Variants in TRPC4 observed in about 807,000 individuals in gnomAD.
TRPC4 encodes the protein transient receptor potential cation channel subfamily C member 4, also known as short transient receptor potential channel 4.
TRPC4 carries 49 observed loss-of-function variants against 99.4 expected under a neutral mutation model. That is an observed-to-expected ratio of 0.49 (90% confidence interval 0.39 to 0.63). The LOEUF (loss-of-function observed/expected upper bound fraction) is 0.63, where lower values mean the gene tolerates loss of function less well. Ranked by LOEUF, TRPC4 falls within the 20% of genes least tolerant of loss-of-function variation. The probability of loss-of-function intolerance (pLI) is 0.00; values close to 1 mark genes in which losing one functional copy is unlikely to be tolerated. For missense variants in TRPC4, 898 were observed against 1,152.9 expected (o/e 0.78, Z 3.20); for synonymous variants, 454 against 425.9 (o/e 1.07, Z -0.81).
chr13:37,823,876 T>A (rs1443957419), intron 1 of TRPC4, among the ~76,000 whole-genome samples: 1 of 150,682 alleles, frequency 6.6e-6, no homozygotes, highest in Non-Finnish European at 1.5e-5. Context: ...ATGGCCATTT[T>A]CATGATATTG....
Position 37,655,157 on chromosome 13 carries a change from A to T in TRPC4, c.1815T>A (p.Asn605Lys). ...FVGATMFGTY[N>K]VISLVVLLNM... is the part of the protein sequence containing the mutation. ...TGAGTAGAACAACCAGAGAGATGACATTGTATGTCCCAAACATGGTGGCAC... is the reference window on the plus strand; with the variant it reads ...TGAGTAGAACAACCAGAGAGATGACTTTGTATGTCCCAAACATGGTGGCAC... Residue 605 changes from asparagine (N) to lysine (K), a missense_variant, in exon 7 of 11, where the codon AAT becomes AAA. Coordinates refer to ENST00000379705, the MANE Select transcript of TRPC4 (RefSeq NM_016179.4). 6.2e-7 allele frequency: 1 copy of T among 1,606,682 alleles called. No individual in the cohort carries two copies. Among genetic ancestry groups the T allele is most frequent in the Non-Finnish European group, 8.5e-7 (1 of 1,175,726 alleles).
intron 8 of TRPC4, among the ~76,000 whole-genome samples, chr13:37,647,966 T>C (rs2957212): frequency 0.99 from 150,651 of 152,268 alleles, 74,533 homozygotes; most frequent in Middle Eastern, 1. Flanking sequence ...TTTATTGAGA[T>C]GGAGTCTCGC....
At chr13:37,825,251 G>T (rs1446295890) in intron 1 of TRPC4, among the ~76,000 whole-genome samples, 1 of 151,672 alleles carries the variant, frequency 6.6e-6, no homozygotes, top group African/African-American at 2.4e-5. Flanking sequence ...TTTTTGAAGG[G>T]TTTTTTGTGT....
At chr13:37,701,639 AG>A (rs1954103856) in intron 3 of TRPC4, among the ~76,000 whole-genome samples, 1 of 152,138 alleles carries the variant, frequency 6.6e-6, no homozygotes, top group African/African-American at 2.4e-5. Context: ...ATCATGAGGC[AG>A]GGTGAAGGAT....
chr13:37,766,898 G>A (rs1329713630), intron 2 of TRPC4, among the ~76,000 whole-genome samples: 1 of 151,240 alleles, frequency 6.6e-6, no homozygotes, highest in Non-Finnish European at 1.5e-5. Flanking sequence ...GGAGGAGAAA[G>A]TAATTTTACT....
chr13:37,825,825 C>G (rs1469497998), intron 1 of TRPC4, among the ~76,000 whole-genome samples: 5 of 151,364 alleles, frequency 3.3e-5, no homozygotes, highest in African/African-American at 1.2e-4. Context: ...TCCTGGGTAT[C>G]CTTGTTGACT....
At chr13:37,833,792 C>A (rs1690742797) in intron 1 of TRPC4, among the ~76,000 whole-genome samples, 1 of 152,082 alleles carries the variant, frequency 6.6e-6, no homozygotes, top group Non-Finnish European at 1.5e-5. Context: ...ACAAAACCAT[C>A]CACCCATTTG....
At chr13:37,655,338 G>A (rs1775477101) in intron 6 of TRPC4, 55 bp from the exon 7 acceptor site, 2 of 1,009,532 alleles carry the variant, frequency 2.0e-6, no homozygotes, top group East Asian at 3.3e-5. Context: ...CATTATACAT[G>A]GGATAAAACA....
chr13:37,803,025 ATTTTAT>A (rs1048733744), intron 1 of TRPC4, among the ~76,000 whole-genome samples: 2 of 151,666 alleles, frequency 1.3e-5, no homozygotes, highest in African/African-American at 4.8e-5. Flanking sequence ...ATATATATTT[ATTTTAT>A]TTTTGAGTTA....
intron 5 of TRPC4, 146 bp downstream of exon 5, chr13:37,674,082 A>G (rs1952957706): frequency 1.4e-6 from 1 of 725,312 alleles, no homozygotes; most frequent in Non-Finnish European, 2.1e-6. Context: ...TTTTATCCCT[A>G]TATATCTATC....
chr13:37,826,665 C>T (rs1238064915), intron 1 of TRPC4, among the ~76,000 whole-genome samples: 1 of 152,062 alleles, frequency 6.6e-6, no homozygotes, highest in East Asian at 1.9e-4. Flanking sequence ...ATGGGCTTCC[C>T]TTTGAGGGTA....
At chr13:37,770,367 A>T (rs796326949) in intron 2 of TRPC4, among the ~76,000 whole-genome samples, 6 of 151,604 alleles carry the variant, frequency 4.0e-5, no homozygotes, top group African/African-American at 1.4e-4. Flanking sequence ...GTCAAAATGC[A>T]CTTTAATTAT....
chr13:37,771,089 A>G (rs772923052), intron 2 of TRPC4, among the ~76,000 whole-genome samples: 1 of 151,656 alleles, frequency 6.6e-6, no homozygotes, highest in Non-Finnish European at 1.5e-5. Context: ...AATATTGTAT[A>G]GAAAACAGAA....
At chr13:37,825,804 C>G (rs1248861290) in intron 1 of TRPC4, among the ~76,000 whole-genome samples, 2 of 151,932 alleles carry the variant, frequency 1.3e-5, no homozygotes, top group East Asian at 2.0e-4. Flanking sequence ...TGGTGCAGAG[C>G]TGAGTTTAAT....
intron 1 of TRPC4, among the ~76,000 whole-genome samples, chr13:37,794,273 T>G (rs1397326037): frequency 1.3e-5 from 2 of 152,072 alleles, no homozygotes; most frequent in African/African-American, 4.8e-5. Context: ...CATCACAAAA[T>G]AAAAGTTTAT....
chr13:37,816,551 C>T (rs534418272), intron 1 of TRPC4, among the ~76,000 whole-genome samples: 174 of 152,046 alleles, frequency 1.1e-3, no homozygotes, highest in African/African-American at 4.0e-3. Context: ...CATCCTGATA[C>T]CAAAATCTGG....
intron 1 of TRPC4, among the ~76,000 whole-genome samples, chr13:37,846,051 G>T (rs1485377925): frequency 1.3e-5 from 2 of 151,972 alleles, no homozygotes; most frequent in South Asian, 2.1e-4. Context: ...AAAAGAAATG[G>T]CCAACCAAGA....
At chr13:37,848,733 A>G (rs896073452) in intron 1 of TRPC4, among the ~76,000 whole-genome samples, 1 of 152,204 alleles carries the variant, frequency 6.6e-6, no homozygotes, top group African/African-American at 2.4e-5. Flanking sequence ...ATCTGTGAGA[A>G]GGTGGTCCTG....
At chr13:37,743,122 C>A (rs1955639723) in intron 3 of TRPC4, among the ~76,000 whole-genome samples, 1 of 152,126 alleles carries the variant, frequency 6.6e-6, no homozygotes, top group Non-Finnish European at 1.5e-5. Context: ...AAAATTGTAT[C>A]TTTTGGGGAG....
Sources: gnomAD v4.1 joint callset for allele counts (sites outside exome capture counted in the v4.1 genomes callset) on GRCh38, gnomAD v4.1.1 for gene constraint, MANE v1.5 for transcripts, NCBI Gene and HGNC (gene_info 2026-07-23, HGNC 2026-07-21) for gene names.